The following SRI variants were observed in gnomAD, a reference collection of about 807,000 sequenced individuals.
SRI encodes the protein 22 kDa protein.
SRI carries 30 observed loss-of-function variants against 33.3 expected under a neutral mutation model. The ratio of observed to expected loss-of-function variants is 0.90; its 90% confidence interval spans 0.67 to 1.22. The LOEUF (loss-of-function observed/expected upper bound fraction) is 1.22, where lower values mean the gene tolerates loss of function less well. SRI is among the 50% of genes most tolerant of loss of function. The pLI is 0.00. For missense variants in SRI, 243 were observed against 250.8 expected, an observed-to-expected ratio of 0.97 and a Z score of 0.21; for synonymous variants, 75 against 89.9, an observed-to-expected ratio of 0.83 and a Z score of 0.94.
intron 1 of SRI, chr7:88,219,627 T>G (rs1447591107): frequency 9.3e-6 from 3 of 321,988 alleles, no homozygotes; most frequent in Non-Finnish European, 1.0e-5. Flanking sequence ...GTTGTTGCTC[T>G]GGGAGGCAAC....
Position 88,219,816 on chromosome 7 carries a change from G to A in SRI, c.51+160C>T, listed in dbSNP as rs568753673. On this transcript the variant is annotated intron_variant, in intron 1 of 7. Transcript: ENST00000265729. ...AACGTGGGGAGAGGCCGAACCCCAG[G>A]GGCCTAGGGCGAGGCCGCGAGCGCA... Among the ~76,000 whole-genome samples, 33 of 152,282 alleles carry A rather than the reference G, an allele frequency of 2.2e-4. No homozygotes were observed. The East Asian group carries it at 6.4e-3, about 30-fold the overall frequency.
At position 88,208,784 on chromosome 7, in the gene SRI, TTTG is replaced by T. The variant is rs926894211; in HGVS notation, c.512-222_512-220del. 2.8e-4 allele frequency: 166 copies of T among 593,870 alleles called. 1 individual carries two copies. The highest frequency in any genetic ancestry group is 2.0e-3 in the Middle Eastern group (4 of 2,016). 36.8% of individuals were successfully genotyped at this position (593,870 alleles called of 1,614,324 possible). Reference sequence around the variant, plus strand: ...AGGCAGAAGTTGGCCAGCTGTGTTTTTTGTTTTTTTGTTTTTTTAGATCTGGAG... The same window carrying T: ...AGGCAGAAGTTGGCCAGCTGTGTTTTTTTTTTTGTTTTTTTAGATCTGGAG... On this transcript the variant is annotated intron_variant, in intron 6 of 7. Coordinates refer to ENST00000265729, the MANE Select transcript of SRI (RefSeq NM_003130.4).
At chr7:88,209,522 G>T in intron 5 of SRI, 70 bp from the exon 6 acceptor site, 1 of 1,223,938 alleles carries the variant, frequency 8.2e-7, no homozygotes, top group Non-Finnish European at 1.2e-6. Context: ...AAATAATCAA[G>T]CACTATTTTA....
At chr7:88,226,489 A>G (rs1851999649) in intron 1 of SRI, among the ~76,000 whole-genome samples, 1 of 152,194 alleles carries the variant, frequency 6.6e-6, no homozygotes, top group African/African-American at 2.4e-5. Flanking sequence ...CTGTTCAATA[A>G]GCTGGGAGAG....
chr7:88,226,339 G>A (rs1378082511), intron 1 of SRI, among the ~76,000 whole-genome samples: 1 of 152,144 alleles, frequency 6.6e-6, no homozygotes, highest in African/African-American at 2.4e-5. Flanking sequence ...AGCACCTAGG[G>A]CTTGGTTATT....
intron 1 of SRI, among the ~76,000 whole-genome samples, chr7:88,226,226 T>C (rs996237371): frequency 6.6e-6 from 1 of 152,226 alleles, no homozygotes; most frequent in African/African-American, 2.4e-5. Context: ...GGTCACTTTA[T>C]GACTGGTTCT....
chr7:88,218,732 T>A, intron 2 of SRI, 127 bp downstream of exon 2: 1 of 804,052 alleles, frequency 1.2e-6, no homozygotes, highest in Non-Finnish European at 2.0e-6. Context: ...AGAAACAACT[T>A]TTTTTTTCTT....
chr7:88,219,186 G>T (rs1851815283), intron 1 of SRI: 1 of 511,542 alleles, frequency 2.0e-6, no homozygotes. Flanking sequence ...CATATGTAAA[G>T]CAACTTTTAA....
Position 88,205,691 on chromosome 7 carries a change from G to T in SRI, c.*787C>A, listed in dbSNP as rs1046192. 1 of 152,088 alleles carries T rather than the reference G, an allele frequency of 6.6e-6. No individual in the cohort carries two copies. The highest frequency in any genetic ancestry group is 2.4e-5 in the African/African-American group (1 of 41,392). The allele number at this position is 152,088 out of a possible 1,614,324, so 9.4% of individuals were successfully genotyped here. On this transcript the variant is annotated 3_prime_UTR_variant, in exon 8 of 8. Transcript: ENST00000265729. ...GAATACATGGTATATCAAAATGGAT[G>T]TATCAGTATTTTAAAAACTAAAATC... is the stretch of plus-strand genomic sequence containing the variant.
At chr7:88,210,647 T>C in intron 4 of SRI, 1 of 503,718 alleles carries the variant, frequency 2.0e-6, no homozygotes, top group Non-Finnish European at 3.6e-6. Flanking sequence ...CTGGACTCTG[T>C]ACTTGTTCTA....
upstream of SRI, among the ~76,000 whole-genome samples, chr7:88,222,741 A>C (rs1278182222): frequency 1.3e-5 from 2 of 152,218 alleles, no homozygotes; most frequent in African/African-American, 4.8e-5. Context: ...CAAAAAGAAG[A>C]AATGGGGAAA....
At chr7:88,225,317 T>C (rs1851972751) in intron 1 of SRI, among the ~76,000 whole-genome samples, 1 of 152,190 alleles carries the variant, frequency 6.6e-6, no homozygotes. Context: ...CATATGTAAA[T>C]ATATGTGTGT....
chr7:88,210,778 A>G (rs942935197), intron 4 of SRI, 104 bp downstream of exon 4: 15 of 1,119,162 alleles, frequency 1.3e-5, no homozygotes, highest in Admixed American at 8.6e-5. Flanking sequence ...AAAGCTTTTT[A>G]GTGATCATTT....
At chr7:88,208,431 A>G in intron 7 of SRI, 76 bp downstream of exon 7, 16 of 1,582,730 alleles carry the variant, frequency 1.0e-5, no homozygotes, top group Non-Finnish European at 1.4e-5. Flanking sequence ...GATATTCTTA[A>G]CAGCTAATTT....
upstream of SRI, among the ~76,000 whole-genome samples, chr7:88,223,231 T>C (rs1851928738): frequency 6.6e-6 from 1 of 152,218 alleles, no homozygotes; most frequent in Non-Finnish European, 1.5e-5. Context: ...CCATCAGACA[T>C]ATATATAATA....
intron 3 of SRI, among the ~76,000 whole-genome samples, chr7:88,214,630 A>T (rs1163273878): frequency 6.6e-6 from 1 of 150,992 alleles, no homozygotes; most frequent in African/African-American, 2.4e-5. Context: ...ATAATTATTT[A>T]AAATTAATTA....
intron 2 of SRI, among the ~76,000 whole-genome samples, chr7:88,217,816 G>A (rs1186547416): frequency 6.6e-6 from 1 of 152,222 alleles, no homozygotes; most frequent in Non-Finnish European, 1.5e-5. Context: ...TGAAAGCTAA[G>A]CAGGTGGAGT....
intron 3 of SRI, chr7:88,214,697 T>C (rs990238525): frequency 1.1e-4 from 30 of 284,656 alleles, no homozygotes; most frequent in African/African-American, 6.4e-4. Flanking sequence ...ATTATAACTA[T>C]AAATTATAAT....
chr7:88,218,484 G>A (rs752645908), intron 2 of SRI, among the ~76,000 whole-genome samples: 3 of 152,174 alleles, frequency 2.0e-5, no homozygotes, highest in Non-Finnish European at 4.4e-5. Context: ...TGAATGATTA[G>A]CAATCAAGTT....
Sources: gnomAD v4.1 joint callset for allele counts (sites outside exome capture counted in the v4.1 genomes callset) on GRCh38, gnomAD v4.1.1 for gene constraint, MANE v1.5 for transcripts, NCBI Gene and HGNC (gene_info 2026-07-23, HGNC 2026-07-21) for gene names.